MAGI2: variants seen among roughly 807,000 people sequenced by gnomAD.
The protein encoded by MAGI2 is membrane associated guanylate kinase, WW and PDZ domain containing 2.
Under a neutral mutation model 133.3 loss-of-function variants are expected in MAGI2, and 35 were observed. That is an observed-to-expected ratio of 0.26 (90% CI 0.20 to 0.35). The LOEUF (loss-of-function observed/expected upper bound fraction) is 0.35. MAGI2 is among the 10% of genes least tolerant of loss of function. The pLI, the probability that MAGI2 is intolerant of heterozygous loss-of-function variation, is 1.00. For missense variants in MAGI2, 1,636 were observed against 1,863.4 expected (o/e 0.88, Z 2.25); for synonymous variants, 729 against 710.6 (o/e 1.03, Z -0.41).
chr7:78,368,432 A>G (rs975389686), intron 7 of MAGI2, among the ~76,000 whole-genome samples: 3 of 152,268 alleles, frequency 2.0e-5, no homozygotes, highest in Admixed American at 6.5e-5. Flanking sequence ...TTTGTTATTC[A>G]CCCAAATAAC....
At chr7:79,245,511 G>A (rs910375642) in intron 1 of MAGI2, among the ~76,000 whole-genome samples, 7 of 152,184 alleles carry the variant, frequency 4.6e-5, no homozygotes, top group Admixed American at 1.3e-4. Flanking sequence ...CTACAAGTTC[G>A]GGGTGGTGGT....
At chr7:78,767,604 G>A (rs544353626) in intron 2 of MAGI2, among the ~76,000 whole-genome samples, 1 of 152,294 alleles carries the variant, frequency 6.6e-6, no homozygotes, top group South Asian at 2.1e-4. Context: ...GGGTTCTAAA[G>A]TGATAGAGAA....
intron 4 of MAGI2, among the ~76,000 whole-genome samples, chr7:78,514,220 G>A (rs900943160): frequency 6.7e-6 from 1 of 149,710 alleles, no homozygotes; most frequent in Non-Finnish European, 1.5e-5. Context: ...TTACTAAAAT[G>A]GTATGTTTAC....
At chr7:79,222,238 C>A (rs1477800573) in intron 1 of MAGI2, among the ~76,000 whole-genome samples, 2 of 151,918 alleles carry the variant, frequency 1.3e-5, no homozygotes, top group African/African-American at 2.4e-5. Flanking sequence ...TCAATCAACT[C>A]TTTAGTTATC....
intron 1 of MAGI2, among the ~76,000 whole-genome samples, chr7:79,190,759 C>T (rs1827582871): frequency 6.6e-6 from 1 of 151,750 alleles, no homozygotes; most frequent in East Asian, 1.9e-4. Context: ...TGGTACCATG[C>T]TCTGGGATTC....
intron 1 of MAGI2, among the ~76,000 whole-genome samples, chr7:79,378,993 CAT>C (rs1450680888): frequency 1.5e-5 from 2 of 133,568 alleles, no homozygotes; most frequent in Non-Finnish European, 3.2e-5. Flanking sequence ...TTCTAGGGTA[CAT>C]GTGTGTGCAC....
chr7:78,662,269 C>T (rs577605419), intron 2 of MAGI2, among the ~76,000 whole-genome samples: 2 of 152,286 alleles, frequency 1.3e-5, no homozygotes, highest in East Asian at 1.9e-4. Flanking sequence ...TTCTCATCTA[C>T]TATATGGAGC....
At chr7:78,802,607 G>A (rs115764032) in intron 2 of MAGI2, among the ~76,000 whole-genome samples, 2,000 of 152,144 alleles carry the variant, frequency 0.013, 48 homozygotes, top group Admixed American at 0.052. Flanking sequence ...ACTCAGTATA[G>A]TACTACTATA....
intron 3 of MAGI2, among the ~76,000 whole-genome samples, chr7:78,582,958 A>G (rs1802998249): frequency 6.6e-6 from 1 of 152,218 alleles, no homozygotes; most frequent in Non-Finnish European, 1.5e-5. Flanking sequence ...AGTATTTTCA[A>G]CAGCTACCCC....
intron 2 of MAGI2, among the ~76,000 whole-genome samples, chr7:78,673,546 T>G (rs1814644726): frequency 6.6e-6 from 1 of 152,026 alleles, no homozygotes; most frequent in African/African-American, 2.4e-5. Flanking sequence ...ATGTTTCAGC[T>G]TAATGACAAA....
At chr7:78,948,438 T>C (rs1156685313) in intron 2 of MAGI2, among the ~76,000 whole-genome samples, 3 of 152,090 alleles carry the variant, frequency 2.0e-5, no homozygotes, top group African/African-American at 7.2e-5. Flanking sequence ...TATACTCTGA[T>C]ATGAAAGGTA....
chr7:78,760,911 G>C (rs1824443442), intron 2 of MAGI2, among the ~76,000 whole-genome samples: 1 of 152,176 alleles, frequency 6.6e-6, no homozygotes, highest in African/African-American at 2.4e-5. Context: ...TCACCAAGGA[G>C]CCAGGAGGAA....
At chr7:78,617,623 C>T (rs1231988845) in intron 3 of MAGI2, 1 of 151,966 alleles carries the variant, frequency 6.6e-6, no homozygotes, top group African/African-American at 2.4e-5. Flanking sequence ...TAAACATAAG[C>T]AGCGGAGTAT....
intron 3 of MAGI2, among the ~76,000 whole-genome samples, chr7:78,533,128 A>T (rs1797605671): frequency 6.6e-6 from 1 of 152,130 alleles, no homozygotes; most frequent in Non-Finnish European, 1.5e-5. Flanking sequence ...TTTTTAGTAG[A>T]GAGGAAATCA....
chr7:78,494,569 G>A (rs1294850013), intron 5 of MAGI2, among the ~76,000 whole-genome samples: 1 of 151,952 alleles, frequency 6.6e-6, no homozygotes, highest in Non-Finnish European at 1.5e-5. Flanking sequence ...ATCTTCAAGG[G>A]TAACCTAATT....
intron 2 of MAGI2, among the ~76,000 whole-genome samples, chr7:78,807,888 AACTT>A (rs1233905433): frequency 2.6e-5 from 4 of 152,192 alleles, no homozygotes; most frequent in Non-Finnish European, 5.9e-5. Context: ...CAGATGAAGA[AACTT>A]AGGCTTAGAA....
chr7:78,484,000 A>C (rs1792705296), intron 6 of MAGI2: 1 of 151,924 alleles, frequency 6.6e-6, no homozygotes, highest in South Asian at 2.1e-4. Context: ...TGAAAGGTAA[A>C]ATTAATTTGG....
intron 9 of MAGI2, among the ~76,000 whole-genome samples, chr7:78,325,264 A>T (rs1257024475): frequency 6.6e-6 from 1 of 152,130 alleles, no homozygotes; most frequent in East Asian, 1.9e-4. Context: ...ATCATAAAAC[A>T]CTCAACAAAG....
chr7:79,331,973 T>C (rs1840112074), intron 1 of MAGI2, among the ~76,000 whole-genome samples: 1 of 152,058 alleles, frequency 6.6e-6, no homozygotes, highest in Admixed American at 6.6e-5. Context: ...AAAAAATTCC[T>C]TTTCTCTTTG....
Sources: gnomAD v4.1 joint callset for allele counts (sites outside exome capture counted in the v4.1 genomes callset) on GRCh38, gnomAD v4.1.1 for gene constraint, MANE v1.5 for transcripts, NCBI Gene and HGNC (gene_info 2026-07-23, HGNC 2026-07-21) for gene names.